Variants in KLF17 observed in about 807,000 individuals in gnomAD.
KLF17 encodes the protein KLF transcription factor 17, also known as Krueppel-like factor 17.
Under a neutral mutation model 34.2 loss-of-function variants are expected in KLF17, and 31 were observed. The ratio of observed to expected loss-of-function variants is 0.91; its 90% CI spans 0.68 to 1.22. KLF17 has a LOEUF of 1.22. KLF17 is among the 50% of genes most tolerant of loss of function. KLF17 has a pLI of 0.00. For missense variants in KLF17, 478 were observed against 505.2 expected (o/e 0.95, Z 0.52); for synonymous variants, 179 against 186.7 (o/e 0.96, Z 0.34).
the KLF17 span, among the ~76,000 whole-genome samples, chr1:44,058,466 T>C: frequency 1.3e-5 from 2 of 151,956 alleles, no homozygotes; most frequent in Non-Finnish European, 2.9e-5. Flanking sequence ...AATTTTTGTA[T>C]TTTTAGTAGA....
At chr1:44,048,284 C>A in the KLF17 span, 1 of 152,186 alleles carries the variant, frequency 6.6e-6, no homozygotes, top group Non-Finnish European at 1.5e-5. Context: ...GAACTGGATT[C>A]GTGCCTGGGG....
rs578232832 is a variant in KLF17 at position 44,119,418 on chromosome 1, A to C, written c.81+430A>C. ...GGAAACAACAGGAAAAAAAAAAAAA[A>C]CCCCAAAAATGTTAATTGGAGCCCT... On this transcript the variant is annotated intron_variant, in intron 1 of 3. Transcript: ENST00000372299. Among the ~76,000 whole-genome samples, 287 of 147,662 alleles carry C rather than the reference A, an allele frequency of 1.9e-3. 1 individual carries two copies. Among genetic ancestry groups the C allele is most frequent in the African/African-American group, 6.2e-3 (247 of 39,858 alleles).
chr1:44,083,901 C>T, the KLF17 span, among the ~76,000 whole-genome samples: 2 of 152,068 alleles, frequency 1.3e-5, no homozygotes, highest in South Asian at 4.2e-4. Flanking sequence ...GAGTACAAGC[C>T]GGGATCGTCC....
the KLF17 span, chr1:44,103,486 C>T: frequency 1.0e-6 from 1 of 969,828 alleles, no homozygotes; most frequent in Admixed American, 1.7e-5. Flanking sequence ...CTCGTGAGGC[C>T]CCCATAGGCC....
chr1:44,079,131 T>G, the KLF17 span, among the ~76,000 whole-genome samples: 1 of 152,154 alleles, frequency 6.6e-6, no homozygotes, highest in Non-Finnish European at 1.5e-5. Context: ...CATATTTTCT[T>G]CTTTAATTCA....
chr1:44,051,847 C>A, the KLF17 span, among the ~76,000 whole-genome samples: 13 of 152,234 alleles, frequency 8.5e-5, no homozygotes, highest in Non-Finnish European at 1.6e-4. Context: ...TTGGCCAACC[C>A]CCTGGTGCCC....
the KLF17 span, among the ~76,000 whole-genome samples, chr1:44,064,217 G>A: frequency 1.3e-5 from 2 of 152,150 alleles, no homozygotes; most frequent in East Asian, 3.8e-4. Context: ...TTATGTATAT[G>A]TAATTATTGA....
At chr1:44,122,039 C>CT in intron 1 of KLF17, 1 of 715,940 alleles carries the variant, frequency 1.4e-6, no homozygotes, top group Non-Finnish European at 2.4e-6. Context: ...ATGTCTTTTC[C>CT]TTTTTTCATT....
the KLF17 span, among the ~76,000 whole-genome samples, chr1:44,087,755 TATATATATATATATACACAC>T: frequency 0.018 from 1,250 of 67,908 alleles, 7 homozygotes; most frequent in Middle Eastern, 0.035. Flanking sequence ...TATATATATA[TATATATATATATATACACAC>T]ACACACACAC....
chr1:44,049,300 A>C, the KLF17 span, among the ~76,000 whole-genome samples: 1 of 152,204 alleles, frequency 6.6e-6, no homozygotes, highest in Non-Finnish European at 1.5e-5. Context: ...TTAGGGACTC[A>C]GTGCATGAAT....
chr1:44,062,890 A>G, the KLF17 span, among the ~76,000 whole-genome samples: 2 of 152,198 alleles, frequency 1.3e-5, no homozygotes, highest in African/African-American at 2.4e-5. Context: ...TCCTGGCTAT[A>G]TCCTCAACAG....
chr1:44,080,069 C>CA, the KLF17 span, among the ~76,000 whole-genome samples: 1 of 151,744 alleles, frequency 6.6e-6, no homozygotes, highest in African/African-American at 2.4e-5. Context: ...GATGGGATTA[C>CA]AGGTGCGTGC....
the KLF17 span, among the ~76,000 whole-genome samples, chr1:44,092,084 T>C: frequency 1.4e-5 from 2 of 144,952 alleles, no homozygotes; most frequent in African/African-American, 5.1e-5. Context: ...GGCTCACACC[T>C]ATAATCCCAG....
upstream of KLF17, chr1:44,115,059 A>G (rs968059394): frequency 2.0e-5 from 3 of 152,218 alleles, no homozygotes; most frequent in African/African-American, 4.8e-5. Context: ...ATAAACAATC[A>G]TGAGTTACTG....
At chr1:44,048,595 A>C in the KLF17 span, 1 of 152,186 alleles carries the variant, frequency 6.6e-6, no homozygotes, top group African/African-American at 2.4e-5. Context: ...GTTTTAAGCT[A>C]GTTGGTTACA....
chr1:44,116,186 G>T (rs1434692470), upstream of KLF17, among the ~76,000 whole-genome samples: 1 of 152,156 alleles, frequency 6.6e-6, no homozygotes, highest in Non-Finnish European at 1.5e-5. Flanking sequence ...AGGAGGAGGT[G>T]ATCCTGGAGT....
intron 1 of KLF17, among the ~76,000 whole-genome samples, chr1:44,119,699 A>G (rs756841734): frequency 6.6e-6 from 1 of 152,190 alleles, no homozygotes; most frequent in African/African-American, 2.4e-5. Flanking sequence ...GTCTGAGACC[A>G]CAGGCTGCAT....
chr1:44,119,404 GAAAAAA>G (rs560211733), intron 1 of KLF17, among the ~76,000 whole-genome samples: 1 of 137,012 alleles, frequency 7.3e-6, no homozygotes, highest in Non-Finnish European at 1.6e-5. Context: ...GAAACAACAG[GAAAAAA>G]AAAAAAAACC....
the KLF17 span, chr1:44,076,275 A>G: frequency 6.6e-6 from 1 of 152,214 alleles, no homozygotes; most frequent in Admixed American, 6.5e-5. Flanking sequence ...CTCCCTTCTC[A>G]TTGCTCCTTG....
Sources: gnomAD v4.1 joint callset for allele counts (sites outside exome capture counted in the v4.1 genomes callset) on GRCh38, gnomAD v4.1.1 for gene constraint, MANE v1.5 for transcripts, NCBI Gene and HGNC (gene_info 2026-07-23, HGNC 2026-07-21) for gene names.